Variants in ADAMTSL1 observed in about 807,000 individuals in gnomAD.
ADAMTSL1 encodes ADAMTS like 1.
A neutral mutation model predicts 201.8 loss-of-function variants in ADAMTSL1; 126 were observed. The observed-to-expected ratio is 0.62, with a 90% confidence interval of 0.54 to 0.72. ADAMTSL1 has a LOEUF of 0.72. ADAMTSL1 is among the 30% of genes least tolerant of loss of function. The pLI is 0.00. For synonymous variants in ADAMTSL1, 1,121 were observed against 903.4 expected (o/e 1.24, Z -4.32); for missense variants, 2,679 against 2,277.8 (o/e 1.18, Z -3.59).
chr9:18,072,617 A>G (rs1823019141), intron 1 of ADAMTSL1, among the ~76,000 whole-genome samples: 1 of 152,212 alleles, frequency 6.6e-6, no homozygotes, highest in Non-Finnish European at 1.5e-5. Context: ...AAACACAGTT[A>G]TCACCACAGG....
At chr9:18,474,503 C>T (rs1045816857) in intron 1 of ADAMTSL1, among the ~76,000 whole-genome samples, 3 of 152,172 alleles carry the variant, frequency 2.0e-5, no homozygotes, top group African/African-American at 7.2e-5. Context: ...GCAAGACTTT[C>T]TGGAATTAGT....
chr9:18,434,760 G>A (rs1819649755), intron 2 of ADAMTSL1, among the ~76,000 whole-genome samples: 1 of 152,128 alleles, frequency 6.6e-6, no homozygotes, highest in African/African-American at 2.4e-5. Context: ...TGCCTGCCCT[G>A]CAAGATCTGG....
chr9:18,381,636 C>A (rs149434723), intron 2 of ADAMTSL1, among the ~76,000 whole-genome samples: 2 of 151,904 alleles, frequency 1.3e-5, no homozygotes, highest in Non-Finnish European at 2.9e-5. Context: ...GAGAAGGAGA[C>A]GGTTCCTTTA....
chr9:18,254,345 GTTTTTTTTTTTTTTTTTTTTTTT>G (rs59026505), intron 2 of ADAMTSL1, among the ~76,000 whole-genome samples: 4 of 49,332 alleles, frequency 8.1e-5, no homozygotes, highest in Non-Finnish European at 1.4e-4. Flanking sequence ...ACTCTTTTTG[GTTTTTTTTTTTTTTTTTTTTTTT>G]TTTTTTTTTT....
At chr9:18,681,737 G>A in intron 11 of ADAMTSL1, 75 bp from the exon 12 acceptor site, 1 of 1,014,540 alleles carries the variant, frequency 9.9e-7, no homozygotes, top group African/African-American at 1.9e-5. Context: ...TAGATTAAAA[G>A]TTTTCGATGG....
At chr9:18,011,858 G>A (rs1586892716) in intron 1 of ADAMTSL1, among the ~76,000 whole-genome samples, 1 of 151,942 alleles carries the variant, frequency 6.6e-6, no homozygotes, top group Non-Finnish European at 1.5e-5. Context: ...CCCATGAGTT[G>A]CCTTGAAAGG....
chr9:18,741,308 T>C (rs1326414540), intron 15 of ADAMTSL1, among the ~76,000 whole-genome samples: 1 of 151,466 alleles, frequency 6.6e-6, no homozygotes, highest in Non-Finnish European at 1.5e-5. Flanking sequence ...CACATACACA[T>C]GTGAGTGGCT....
chr9:18,477,839 CATT>C (rs1229085940), intron 1 of ADAMTSL1, among the ~76,000 whole-genome samples: 1 of 152,150 alleles, frequency 6.6e-6, no homozygotes, highest in African/African-American at 2.4e-5. Context: ...TTCTGGCCCC[CATT>C]ATTATTTTCA....
At chr9:18,104,366 C>T (rs972140339) in intron 1 of ADAMTSL1, among the ~76,000 whole-genome samples, 2 of 152,272 alleles carry the variant, frequency 1.3e-5, no homozygotes, top group Admixed American at 1.3e-4. Flanking sequence ...AGCAATTCCA[C>T]CCTAATCACA....
intron 19 of ADAMTSL1, among the ~76,000 whole-genome samples, chr9:18,786,469 ATTAG>A (rs544052837): frequency 5.0e-4 from 76 of 152,324 alleles, no homozygotes; most frequent in Non-Finnish European, 9.6e-4. Context: ...TGGTTTTCTT[ATTAG>A]TTAAACTAAA....
chr9:18,563,361 G>T (rs1821659577), intron 3 of ADAMTSL1, among the ~76,000 whole-genome samples: 1 of 152,136 alleles, frequency 6.6e-6, no homozygotes, highest in African/African-American at 2.4e-5. Context: ...AGCAAAGATT[G>T]CTGCCTGTTG....
chr9:18,177,669 G>A (rs1036300714), intron 2 of ADAMTSL1, among the ~76,000 whole-genome samples: 8 of 152,204 alleles, frequency 5.3e-5, no homozygotes, highest in Non-Finnish European at 1.0e-4. Context: ...CAGCCAGTGA[G>A]AAAGAGGAAA....
intron 16 of ADAMTSL1, among the ~76,000 whole-genome samples, chr9:18,769,722 C>T (rs1424935307): frequency 1.3e-5 from 2 of 152,214 alleles, no homozygotes; most frequent in African/African-American, 4.8e-5. Flanking sequence ...TGAAAGCACA[C>T]ACAACCCTTC....
chr9:18,467,146 A>G (rs10810972), intron 2 of ADAMTSL1, among the ~76,000 whole-genome samples: 92,623 of 151,992 alleles, frequency 0.61, 28,446 homozygotes, highest in African/African-American at 0.67. Context: ...GCTTTCACAG[A>G]ATTTACAATC....
At chr9:18,407,970 A>AT (rs889498030) in intron 2 of ADAMTSL1, among the ~76,000 whole-genome samples, 32 of 152,326 alleles carry the variant, frequency 2.1e-4, no homozygotes, top group African/African-American at 6.7e-4. Context: ...AGACTGTAAC[A>AT]TTTTTTTAAA....
chr9:18,301,857 G>A (rs981938049), intron 2 of ADAMTSL1, among the ~76,000 whole-genome samples: 11 of 152,098 alleles, frequency 7.2e-5, no homozygotes, highest in African/African-American at 2.4e-4. Flanking sequence ...AGCACTTTTT[G>A]TCCTTTGAAA....
chr9:18,187,875 A>G (rs1828806747), intron 2 of ADAMTSL1, among the ~76,000 whole-genome samples: 1 of 152,184 alleles, frequency 6.6e-6, no homozygotes, highest in Admixed American at 6.6e-5. Flanking sequence ...GTCATGTATA[A>G]TTATGCAATG....
At position 18,348,462 on chromosome 9, in the gene ADAMTSL1, A is replaced by G. The variant is rs552179327; in HGVS notation, c.208-156367A>G. Among the ~76,000 whole-genome samples, 3 of 152,358 alleles carry G rather than the reference A, an allele frequency of 2.0e-5. No individual in the cohort carries two copies. In the East Asian group the frequency reaches 5.8e-4, roughly 29 times the overall value. ...TCTAAACCTCACTAGTGTCATCTATAAAATGGGAATGTTTTTGTGACATGT... is the reference window on the plus strand; with the variant it reads ...TCTAAACCTCACTAGTGTCATCTATGAAATGGGAATGTTTTTGTGACATGT... On this transcript the variant is annotated intron_variant, in intron 2 of 29. Coordinates refer to the ADAMTSL1 transcript ENST00000680146.
chr9:18,623,507 C>G lies in ADAMTSL1; in HGVS notation c.601+1138C>G, dbSNP rs368687961. On this transcript the variant is annotated intron_variant, in intron 5 of 28. Coordinates refer to ENST00000380548, the MANE Select transcript of ADAMTSL1 (RefSeq NM_001040272.6). ...CTGGTCACAGCCCCGCTGATAGTCTCTGTGGTGGGACATTTGCAAAGCAGA... is the reference window on the plus strand; with the variant it reads ...CTGGTCACAGCCCCGCTGATAGTCTGTGTGGTGGGACATTTGCAAAGCAGA... 9.9e-5 allele frequency among the ~76,000 whole-genome samples: 15 copies of G among 152,222 alleles called. No homozygotes were observed. The South Asian group carries it at 3.1e-3, about 32-fold the overall frequency.
Sources: allele counts gnomAD v4.1 joint callset (sites outside exome capture counted in the v4.1 genomes callset), GRCh38; gene constraint gnomAD v4.1.1; transcripts MANE v1.5; gene names NCBI Gene and HGNC (gene_info 2026-07-23, HGNC 2026-07-21).